LIMK2: variants seen among roughly 807,000 people sequenced by gnomAD.
LIMK2 encodes the protein LIM domain kinase 2.
A neutral mutation model predicts 75.7 loss-of-function variants in LIMK2; 35 were observed. The ratio of observed to expected loss-of-function variants is 0.46; its 90% CI spans 0.35 to 0.61. LIMK2 has a LOEUF of 0.61. LIMK2 is among the 20% of genes least tolerant of loss of function. The pLI, the probability that LIMK2 is intolerant of heterozygous loss-of-function variation, is 0.00. For synonymous variants in LIMK2, 301 were observed against 319.2 expected (o/e 0.94, Z 0.61); for missense variants, 623 against 831.0 (o/e 0.75, Z 3.08).
At position 31,213,968 on chromosome 22, in the gene LIMK2, A is replaced by G. The variant is rs527925063; in HGVS notation, c.16+1544A>G. Among the ~76,000 whole-genome samples, 13 of 152,106 alleles carry G rather than the reference A, an allele frequency of 8.5e-5. No individual in the cohort carries two copies. The East Asian group carries it at 2.5e-3, about 29-fold the overall frequency. On this transcript the variant is annotated intron_variant, in intron 1 of 15. Coordinates refer to ENST00000331728, the MANE Select transcript of LIMK2 (RefSeq NM_005569.4). Reference sequence around the variant, plus strand: ...GTAGCTGGGACAACAGGGGCCCGCCACCACGCCCGGCTAATTTTTTTGGTA... The same window carrying G: ...GTAGCTGGGACAACAGGGGCCCGCCGCCACGCCCGGCTAATTTTTTTGGTA...
chr22:31,230,057 T>TTTC (rs1491504687), intron 2 of LIMK2: 5 of 38,078 alleles, frequency 1.3e-4, no homozygotes, highest in South Asian at 2.9e-3. Flanking sequence ...TCTTTCTTTC[T>TTTC]TTTTTTTTTT....
chr22:31,272,375 T>C (rs952427407), intron 12 of LIMK2, 155 bp from the exon 13 acceptor site: 1 of 650,390 alleles, frequency 1.5e-6, no homozygotes, highest in Non-Finnish European at 2.4e-6. Context: ...GTGCCTGGCC[T>C]GAGTGTGTCT....
In LIMK2 at chr22:31,262,419, A is replaced by G. The variant is rs1373684881; in HGVS notation, c.658-176A>G. Among the ~76,000 whole-genome samples the G allele has an allele frequency of 6.6e-6, 1 of 152,120 alleles. No homozygotes were observed. The highest frequency in any genetic ancestry group is 1.5e-5 in the Non-Finnish European group (1 of 68,012). On this transcript the variant is annotated intron_variant, in intron 6 of 15. Transcript: ENST00000331728. This position sits in a 1 kb window ranked among gnomAD's most constrained non-coding sequence, Gnocchi z 5.0. Reference sequence around the variant, plus strand: ...GTTCCCAGGGTAGCAGGGATGGTTGATGGACGGGAGAGCTGACAGGATGCC... The same window carrying G: ...GTTCCCAGGGTAGCAGGGATGGTTGGTGGACGGGAGAGCTGACAGGATGCC...
intron 2 of LIMK2, among the ~76,000 whole-genome samples, chr22:31,230,655 A>C (rs1321773852): frequency 6.6e-6 from 1 of 152,184 alleles, no homozygotes; most frequent in Non-Finnish European, 1.5e-5. Context: ...ACTAATACCT[A>C]TACTCTGGGA....
chr22:31,259,012 A>G (rs1240047326), intron 3 of LIMK2, 109 bp from the exon 4 acceptor site: 1 of 656,868 alleles, frequency 1.5e-6, no homozygotes, highest in East Asian at 2.7e-5. Flanking sequence ...GTGGATTTTG[A>G]CGGGGGCCTT....
chr22:31,276,913 G>T (rs1462494856), intron 15 of LIMK2: 1 of 1,613,440 alleles, frequency 6.2e-7, no homozygotes, highest in South Asian at 1.1e-5. Context: ...CAACCTAGAG[G>T]AGTGGATCCT....
At chr22:31,230,048 CTTTCTTTCTT>C (rs2048513987) in intron 2 of LIMK2, 1 of 130,154 alleles carries the variant, frequency 7.7e-6, no homozygotes, top group Non-Finnish European at 1.6e-5. Context: ...TTCTTTCTTT[CTTTCTTTCTT>C]TTTTTTTTTT....
At chr22:31,277,175 G>A (rs372780750) in intron 15 of LIMK2, 3 of 1,612,350 alleles carry the variant, frequency 1.9e-6, no homozygotes, top group African/African-American at 2.7e-5. Flanking sequence ...GGCTCCCATA[G>A]GACAATCGCT....
rs766224494 is a variant in LIMK2 at position 31,262,722 on chromosome 22, A to G, written c.785A>G (p.His262Arg). Residue 262 changes from histidine to arginine, a missense_variant, in exon 7 of 16, where the codon CAC becomes CGC. Around this residue, in one of 3 missense-constraint regions of LIMK2, gnomAD observed 514 missense variants for 661.3 expected, o/e 0.78. Transcript: ENST00000331728. This position sits in a 1 kb window ranked among gnomAD's most constrained non-coding sequence, Gnocchi z 5.0. Reference protein sequence around the residue: ...RLAPHMQNAGHPHALSTLDTK... With the variant: ...RLAPHMQNAGRPHALSTLDTK... ...GCTCCTCACATGCAGAATGCCGGAC[A>G]CCCCCACGCCCTCAGCACCCTGGAC... 1.9e-6 allele frequency: 3 copies of G among 1,613,868 alleles called. No individual in the cohort carries two copies. In the African/African-American group the frequency reaches 4.0e-5, roughly 22 times the overall value.
intron 2 of LIMK2, among the ~76,000 whole-genome samples, chr22:31,240,062 G>A (rs148883678): frequency 1.3e-5 from 2 of 152,252 alleles, no homozygotes; most frequent in South Asian, 2.1e-4. Context: ...TTATTTTGCC[G>A]TGTTTTTCAT....
At chr22:31,275,632 C>CT (rs11325831) in intron 15 of LIMK2, 10 of 227,630 alleles carry the variant, frequency 4.4e-5, no homozygotes, top group East Asian at 9.6e-5. Context: ...TACACATATA[C>CT]TTTTTTTTAT....
chr22:31,270,082 C>G (rs2048940379), intron 11 of LIMK2, among the ~76,000 whole-genome samples: 1 of 152,052 alleles, frequency 6.6e-6, no homozygotes, highest in Non-Finnish European at 1.5e-5. Flanking sequence ...AGCATTGATC[C>G]CTGCTGTTCT....
chr22:31,216,783 G>C (rs2123760750), intron 1 of LIMK2, among the ~76,000 whole-genome samples: 1 of 152,276 alleles, frequency 6.6e-6, no homozygotes, highest in Admixed American at 6.5e-5. Flanking sequence ...CTGATTCCCA[G>C]AACAGGGCTG....
At chr22:31,270,860 G>GCTTTGGCC (rs2048949494) in intron 11 of LIMK2, among the ~76,000 whole-genome samples, 1 of 152,210 alleles carries the variant, frequency 6.6e-6, no homozygotes, top group Non-Finnish European at 1.5e-5. Context: ...GGGACATTAG[G>GCTTTGGCC]AGAGAGCTGT....
chr22:31,231,762 C>T (rs771580069), intron 2 of LIMK2, among the ~76,000 whole-genome samples: 12 of 152,146 alleles, frequency 7.9e-5, no homozygotes, highest in East Asian at 5.8e-4. Flanking sequence ...ATTAATTAAA[C>T]GTTGTATTAA....
At chr22:31,243,572 T>G (rs2123804133) in intron 2 of LIMK2, among the ~76,000 whole-genome samples, 1 of 152,366 alleles carries the variant, frequency 6.6e-6, no homozygotes. Flanking sequence ...TTTGAAGACC[T>G]GTGCCTCAGC....
chr22:31,221,589 A>C (rs2123768520), intron 1 of LIMK2, among the ~76,000 whole-genome samples: 1 of 152,202 alleles, frequency 6.6e-6, no homozygotes, highest in Admixed American at 6.5e-5. Flanking sequence ...GGTTCAAGCA[A>C]TTCTCTTGCC....
chr22:31,238,942 C>G (rs1218895008), intron 2 of LIMK2, among the ~76,000 whole-genome samples: 2 of 152,196 alleles, frequency 1.3e-5, no homozygotes. Context: ...GCATTTGTTA[C>G]TCAATGTTAG....
Position 31,260,044 on chromosome 22 carries a change from G to A in LIMK2, c.518G>A (p.Cys173Tyr), listed in dbSNP as rs1568996866. 4 of 1,600,496 alleles carry A rather than the reference G, an allele frequency of 2.5e-6. No individual in the cohort carries two copies. The highest frequency in any genetic ancestry group is 3.4e-6 in the Non-Finnish European group (4 of 1,175,712). Reference protein sequence around the residue: ...RGFSVSVESACSNYATTVQVK... With the variant: ...RGFSVSVESAYSNYATTVQVK... The stretch of plus-strand genomic sequence containing the variant: ...TTCTCCGTGTCCGTGGAGAGTGCCT[G>A]CTCCAACTACGCCACCACTGTGCAA... Residue 173 changes from cysteine to tyrosine, a missense_variant, in exon 5 of 16, where the codon TGC (cysteine) becomes TAC (tyrosine). By Grantham distance (194) the Cys-to-Tyr change is radical (BLOSUM62 -2). Around this residue, in one of 3 missense-constraint regions of LIMK2, gnomAD observed 514 missense variants for 661.3 expected, o/e 0.78. Transcript: ENST00000331728.
Sources: gnomAD v4.1 joint callset for allele counts (sites outside exome capture counted in the v4.1 genomes callset) on GRCh38, gnomAD v4.1.1 for gene constraint, gnomAD v4.1.1 regional missense constraint, Gnocchi (gnomAD v3.1) non-coding constraint, MANE v1.5 for transcripts, NCBI Gene and HGNC (gene_info 2026-07-23, HGNC 2026-07-21) for gene names.